Variants in TENM2 observed in about 807,000 individuals in gnomAD.
TENM2 encodes the protein teneurin transmembrane protein 2.
TENM2 carries 52 observed loss-of-function variants against 245.2 expected under a neutral mutation model. The observed-to-expected ratio is 0.21, with a 90% confidence interval of 0.17 to 0.27. The LOEUF (loss-of-function observed/expected upper bound fraction) is 0.27. TENM2 is among the 10% of genes least tolerant of loss of function. The probability of loss-of-function intolerance (pLI) is 1.00; values close to 1 mark genes in which losing one functional copy is unlikely to be tolerated. For synonymous variants in TENM2, 1,363 were observed against 1,438.9 expected, an observed-to-expected ratio of 0.95 and a Z score of 1.19; for missense variants, 3,046 against 3,666.8, an observed-to-expected ratio of 0.83 and a Z score of 4.37.
chr5:167,751,472 G>A (rs185133307), intron 2 of TENM2, among the ~76,000 whole-genome samples: 1 of 152,264 alleles, frequency 6.6e-6, no homozygotes, highest in East Asian at 1.9e-4. Context: ...GAGTGGACAT[G>A]TGTACACAGA....
intron 1 of TENM2, among the ~76,000 whole-genome samples, chr5:167,357,870 G>C (rs11134457): frequency 1.1e-4 from 17 of 152,176 alleles, no homozygotes; most frequent in African/African-American, 4.1e-4. Flanking sequence ...AATCAGAAAC[G>C]AATTTCGAAA....
the TENM2 span, among the ~76,000 whole-genome samples, chr5:167,208,331 A>G: frequency 6.6e-6 from 1 of 152,178 alleles, no homozygotes; most frequent in Non-Finnish European, 1.5e-5. Context: ...GTCTATTTTA[A>G]TCATTTTAAG....
At chr5:167,938,272 A>G (rs1187482371) in intron 3 of TENM2, among the ~76,000 whole-genome samples, 2 of 152,174 alleles carry the variant, frequency 1.3e-5, no homozygotes, top group Non-Finnish European at 2.9e-5. Flanking sequence ...AGATGTGCAT[A>G]TGTGTAGACC....
intron 2 of TENM2, among the ~76,000 whole-genome samples, chr5:167,504,670 T>C (rs930097094): frequency 6.6e-6 from 1 of 152,198 alleles, no homozygotes; most frequent in Non-Finnish European, 1.5e-5. Context: ...TTCTGATAGC[T>C]TCACTGAACT....
At chr5:167,486,506 T>A (rs767543956) in intron 2 of TENM2, among the ~76,000 whole-genome samples, 78 of 152,042 alleles carry the variant, frequency 5.1e-4, no homozygotes, top group Admixed American at 1.4e-3. Context: ...TTTTTTGTGT[T>A]TTTAGTAGAG....
intron 2 of TENM2, among the ~76,000 whole-genome samples, chr5:167,437,050 T>C (rs562040114): frequency 6.6e-6 from 1 of 152,238 alleles, no homozygotes; most frequent in African/African-American, 2.4e-5. Flanking sequence ...AGTGCAGCTG[T>C]GAGAAGAGGG....
At chr5:167,950,601 C>T (rs1310241939) in intron 3 of TENM2, among the ~76,000 whole-genome samples, 2 of 152,052 alleles carry the variant, frequency 1.3e-5, no homozygotes, top group Admixed American at 1.3e-4. Flanking sequence ...AATGACACCA[C>T]TTGGATGGGA....
the TENM2 span, among the ~76,000 whole-genome samples, chr5:167,076,225 T>C: frequency 1.8e-4 from 27 of 152,202 alleles, no homozygotes; most frequent in Non-Finnish European, 3.5e-4. Context: ...TAGATTCTTA[T>C]AGTTCTAGGG....
At chr5:167,293,008 G>C (rs1394769170) in intron 1 of TENM2, among the ~76,000 whole-genome samples, 1 of 152,204 alleles carries the variant, frequency 6.6e-6, no homozygotes, top group Non-Finnish European at 1.5e-5. Flanking sequence ...TAGGTTGGAT[G>C]AGCTAGAGTG....
chr5:167,100,510 CA>C, the TENM2 span, among the ~76,000 whole-genome samples: 534 of 152,284 alleles, frequency 3.5e-3, 3 homozygotes, highest in African/African-American at 0.012. Context: ...CTTGAGACCA[CA>C]TTTGGGAAGA....
intron 9 of TENM2, among the ~76,000 whole-genome samples, chr5:168,098,519 A>T (rs927410554): frequency 1.3e-5 from 2 of 152,098 alleles, no homozygotes; most frequent in African/African-American, 4.8e-5. Context: ...TACACTCTTA[A>T]TCTAGGAAGC....
At chr5:167,403,789 C>A (rs1423152260) in intron 2 of TENM2, among the ~76,000 whole-genome samples, 3 of 152,042 alleles carry the variant, frequency 2.0e-5, no homozygotes, top group African/African-American at 2.4e-5. Context: ...GATGTACAAG[C>A]TTGCACCAGG....
At chr5:167,531,172 T>C (rs1029408950) in intron 2 of TENM2, among the ~76,000 whole-genome samples, 1 of 152,186 alleles carries the variant, frequency 6.6e-6, no homozygotes, top group African/African-American at 2.4e-5. Flanking sequence ...TCCCCCCTTA[T>C]ACCTCTCAGA....
chr5:167,640,923 G>A (rs1382687764), intron 2 of TENM2, among the ~76,000 whole-genome samples: 4 of 105,110 alleles, frequency 3.8e-5, no homozygotes, highest in Non-Finnish European at 7.9e-5. Flanking sequence ...CTTAAGCTTA[G>A]TGGTTCTCAA....
chr5:168,105,210 CTTA>C (rs1212153597), intron 9 of TENM2, among the ~76,000 whole-genome samples: 1 of 152,088 alleles, frequency 6.6e-6, no homozygotes, highest in East Asian at 1.9e-4. Flanking sequence ...AATTCAGGGA[CTTA>C]TTATACTCAC....
chr5:167,110,257 T>C, the TENM2 span, among the ~76,000 whole-genome samples: 24 of 152,228 alleles, frequency 1.6e-4, no homozygotes, highest in Non-Finnish European at 3.4e-4. Context: ...AATAAAACAG[T>C]TTTTGTTTAC....
intron 1 of TENM2, among the ~76,000 whole-genome samples, chr5:167,353,787 G>A (rs1258608296): frequency 2.0e-5 from 3 of 152,070 alleles, no homozygotes; most frequent in East Asian, 1.9e-4. Flanking sequence ...GATTACAGGC[G>A]TGAGCCACCG....
intron 2 of TENM2, among the ~76,000 whole-genome samples, chr5:167,462,760 G>A (rs935988546): frequency 6.6e-6 from 1 of 151,792 alleles, no homozygotes; most frequent in Non-Finnish European, 1.5e-5. Flanking sequence ...GTTTATATGG[G>A]TACAGGGACT....
At chr5:167,646,854 A>C (rs1240405678) in intron 2 of TENM2, among the ~76,000 whole-genome samples, 1 of 152,228 alleles carries the variant, frequency 6.6e-6, no homozygotes, top group African/African-American at 2.4e-5. Flanking sequence ...AATTCAACTC[A>C]AGCCAATTGC....
Sources: allele counts gnomAD v4.1 joint callset (sites outside exome capture counted in the v4.1 genomes callset), GRCh38; gene constraint gnomAD v4.1.1; transcripts MANE v1.5; gene names NCBI Gene and HGNC (gene_info 2026-07-23, HGNC 2026-07-21).